The following CAPN10 variants were observed in gnomAD, a reference collection of about 807,000 sequenced individuals.
The protein encoded by CAPN10 is calpain 10.
In CAPN10, 71 loss-of-function variants were observed where a neutral mutation model predicts 78.4. That is an observed-to-expected ratio of 0.91 (90% CI 0.75 to 1.10). The LOEUF is 1.10. Ranked by LOEUF, CAPN10 falls within the 50% of genes least tolerant of loss-of-function variation. The pLI, the probability that CAPN10 is intolerant of heterozygous loss-of-function variation, is 0.00. For missense variants in CAPN10, 849 were observed against 924.6 expected (o/e 0.92, Z 1.06); for synonymous variants, 437 against 407.2 (o/e 1.07, Z -0.88).
At chr2:240,590,739 C>T (rs1173784731) in intron 2 of CAPN10, 76 bp from the exon 3 acceptor site, 10 of 1,400,990 alleles carry the variant, frequency 7.1e-6, no homozygotes, top group African/African-American at 1.4e-5. Flanking sequence ...GTGGCCACAC[C>T]GCGGCCGGGA....
chr2:240,596,664 G>A lies in CAPN10; in HGVS notation c.1482-17G>A. 6.5e-7 allele frequency: 1 copy of A among 1,534,088 alleles called. No individual in the cohort carries two copies. Among genetic ancestry groups the A allele is most frequent in the Non-Finnish European group, 8.8e-7 (1 of 1,140,498 alleles). On this transcript the variant is annotated splice_polypyrimidine_tract_variant and intron_variant, in intron 8 of 11. Coordinates refer to ENST00000391984, the MANE Select transcript of CAPN10 (RefSeq NM_023083.4). ...GAACCTGCTGCCAGCGCCCTCCCAT[G>A]TTTGTCTTCTTGGCAGCGCCATCAG...
At chr2:240,590,771 T>C in intron 2 of CAPN10, 44 bp from the exon 3 acceptor site, 1 of 1,585,724 alleles carries the variant, frequency 6.3e-7, no homozygotes, top group East Asian at 2.2e-5. Context: ...CGCCGGGTGG[T>C]GCTTATATCA....
At position 240,591,991 on chromosome 2, in the gene CAPN10, C is replaced by T; in HGVS notation, c.529C>T (p.Leu177=). The T allele has an allele frequency of 2.5e-6, 4 of 1,613,482 alleles. No homozygotes were observed. Among genetic ancestry groups the T allele is most frequent in the Non-Finnish European group, 3.4e-6 (4 of 1,180,002 alleles). Reference sequence around the variant, plus strand: ...GCAGGTGGCGGATGCCCTGGTGGACCTGACCGGCGGCCTGGCAGAAAGATG... The same window carrying T: ...GCAGGTGGCGGATGCCCTGGTGGACTTGACCGGCGGCCTGGCAGAAAGATG... ...AGQVADALVD[L]TGGLAERWNL... The change falls in exon 4 of 12, where the codon CTG becomes TTG. Residue 177 remains leucine (L), a synonymous_variant. Coordinates refer to ENST00000391984, the MANE Select transcript of CAPN10 (RefSeq NM_023083.4).
chr2:240,586,758 C>A lies in CAPN10; in HGVS notation c.-154C>A. The A allele has an allele frequency of 1.5e-6, 1 of 651,010 alleles. No homozygotes were observed. The highest frequency in any genetic ancestry group is 2.2e-6 in the Non-Finnish European group (1 of 451,922). The allele number at this position is 651,010 out of a possible 1,614,324, so 40.3% of individuals were successfully genotyped here. ...GAGACTAGCGGGCCGGCGTACTGGC[C>A]TGGTCCAGCACCTGCGGGGCCCTCG... On this transcript the variant is annotated 5_prime_UTR_variant, in exon 1 of 12. It adds an upstream start codon to the 5' untranslated region. Transcript: ENST00000391984.
chr2:240,595,415 C>T, intron 7 of CAPN10, 111 bp downstream of exon 7: 1 of 1,161,408 alleles, frequency 8.6e-7, no homozygotes, highest in South Asian at 1.5e-5. Flanking sequence ...CTGCCACGGG[C>T]CCCACCAGTC....
At chr2:240,598,493 G>A in intron 11 of CAPN10, 96 bp downstream of exon 11, 5 of 1,495,992 alleles carry the variant, frequency 3.3e-6, no homozygotes, top group Non-Finnish European at 4.6e-6. Context: ...TTCTGCCTGG[G>A]ACGTGAGGTG....
chr2:240,596,215 A>G, intron 7 of CAPN10, 104 bp from the exon 8 acceptor site: 1 of 1,479,168 alleles, frequency 6.8e-7, no homozygotes, highest in Non-Finnish European at 9.0e-7. Flanking sequence ...TGGCGCTTTC[A>G]TCTGTCAACT....
At position 240,586,963 on chromosome 2, in the gene CAPN10, G is replaced by A. The variant is rs2125455152; in HGVS notation, c.52G>A (p.Ala18Thr). The A allele has an allele frequency of 6.8e-7, 1 of 1,480,162 alleles. No homozygotes were observed. The highest frequency in any genetic ancestry group is 9.0e-7 in the Non-Finnish European group (1 of 1,115,544). 91.7% of individuals were successfully genotyped at this position (1,480,162 alleles called of 1,614,324 possible). A position where few individuals can be genotyped will look rare whatever the true frequency, so the allele number is the denominator to read the frequency against. The stretch of plus-strand genomic sequence containing the variant: ...GGCGAGGGAGCTGTTCCGGGACGCC[G>A]CCTTCCCCGCCGCGGACTCCTCGCT... Reference protein sequence around the residue: ...TPARELFRDAAFPAADSSLFC... With the variant: ...TPARELFRDATFPAADSSLFC... The change falls in exon 1 of 12, where the codon GCC becomes ACC. Residue 18 changes from alanine (A) to threonine (T), a missense_variant. Ala to Thr is a moderately conservative substitution (Grantham distance 58, BLOSUM62 0). Transcript: ENST00000391984.
chr2:240,592,434 C>T (rs758929621), intron 4 of CAPN10: 1 of 683,084 alleles, frequency 1.5e-6, no homozygotes, highest in South Asian at 1.5e-5. Context: ...CCATCCCTGG[C>T]CCAGCTGGCA....
At position 240,590,934 on chromosome 2, in the gene CAPN10, T is replaced by C. The variant is rs2093097942; in HGVS notation, c.393T>C (p.Leu131=). The C allele has an allele frequency of 2.5e-6, 4 of 1,614,134 alleles. No homozygotes were observed. The highest frequency in any genetic ancestry group is 1.3e-5 in the African/African-American group (1 of 74,946). The change falls in exon 3 of 12, where the codon CTT becomes CTC. Residue 131 remains leucine (L), a synonymous_variant. Transcript: ENST00000391984. ...EVTTDDRLPC[L]AGRLCFSRCQ... ...CCACAGATGACCGCCTGCCGTGCCTTGCAGGGAGACTCTGTTTCTCCCGCT... is the reference window on the plus strand; with the variant it reads ...CCACAGATGACCGCCTGCCGTGCCTCGCAGGGAGACTCTGTTTCTCCCGCT...
In CAPN10 at chr2:240,596,699, C is replaced by T. The variant is rs1366544806; in HGVS notation, c.1500C>T (p.Ala500=). 1 of 1,558,588 alleles carries T rather than the reference C, an allele frequency of 6.4e-7. No homozygotes were observed. The highest frequency in any genetic ancestry group is 2.2e-5 in the East Asian group (1 of 44,450). The change falls in exon 9 of 12, where the codon GCC becomes GCT. Residue 500 remains alanine, a synonymous_variant. Coordinates refer to ENST00000391984, the MANE Select transcript of CAPN10 (RefSeq NM_023083.4). ...TTGGCAGCGCCATCAGGGCAGTGGCCAAGAACACCACCCCCGGGGCAGCCC... is the reference window on the plus strand; with the variant it reads ...TTGGCAGCGCCATCAGGGCAGTGGCTAAGAACACCACCCCCGGGGCAGCCC... The part of the protein sequence containing the change: ...RVSLSAIRAV[A]KNTTPGAALP...
Position 240,598,745 on chromosome 2 carries a change from T to A in CAPN10, c.*65T>A. On this transcript the variant is annotated 3_prime_UTR_variant, in exon 12 of 12. Coordinates refer to ENST00000391984, the MANE Select transcript of CAPN10 (RefSeq NM_023083.4). ...GAGGGCCTGACAGGTTCCCAGCAGC[T>A]GGGCCGGCCAGCCTTGCACTGTGGG... The A allele has an allele frequency of 6.8e-7, 1 of 1,469,234 alleles. No homozygotes were observed. Among genetic ancestry groups the A allele is most frequent in the Admixed American group, 2.0e-5 (1 of 50,932 alleles). 91.0% of individuals were successfully genotyped at this position (1,469,234 alleles called of 1,614,324 possible).
intron 1 of CAPN10, among the ~76,000 whole-genome samples, chr2:240,588,891 G>A (rs1413144705): frequency 2.0e-5 from 3 of 152,086 alleles, no homozygotes; most frequent in Non-Finnish European, 4.4e-5. Flanking sequence ...AGGCAAGGTC[G>A]AAGCTCAGAG....
chr2:240,590,833 C>G lies in CAPN10; in HGVS notation c.292C>G (p.Pro98Ala). 3 of 1,614,142 alleles carry G rather than the reference C, an allele frequency of 1.9e-6. No homozygotes were observed. The highest frequency in any genetic ancestry group is 2.5e-6 in the Non-Finnish European group (3 of 1,179,996). Residue 98 changes from proline (P) to alanine (A), a missense_variant, in exon 3 of 12, where the codon CCG becomes GCG. By Grantham distance (27) the Pro-to-Ala change is conservative (BLOSUM62 -1). Coordinates refer to ENST00000391984, the MANE Select transcript of CAPN10 (RefSeq NM_023083.4). ...ATGGCAGGTCATTCCTCCGGGACAG[C>G]CGAGCTGGGCCGACCAGGAGTACCG... is the stretch of plus-strand genomic sequence containing the variant. ...LLDQVIPPGQPSWADQEYRGS... is the reference protein window; with the variant it reads ...LLDQVIPPGQASWADQEYRGS...
chr2:240,587,537 G>T (rs112052223), intron 1 of CAPN10, among the ~76,000 whole-genome samples: 8,035 of 152,352 alleles, frequency 0.053, 298 homozygotes, highest in Non-Finnish European at 0.073. Context: ...TCCAAGGGAT[G>T]CCCTGGCCGA....
rs2093139102 is a variant in CAPN10, at chr2:240,596,710, C to T, written c.1511C>T (p.Thr504Ile). 1.3e-6 allele frequency: 2 copies of T among 1,568,752 alleles called. No individual in the cohort carries two copies. The highest frequency in any genetic ancestry group is 1.4e-5 in the African/African-American group (1 of 73,992). The change falls in exon 9 of 12, where the codon ACC (threonine) becomes ATC (isoleucine). Residue 504 changes from threonine to isoleucine, a missense_variant. By Grantham distance (89) the Thr-to-Ile change is moderately conservative (BLOSUM62 -1). Transcript: ENST00000391984. ...ATCAGGGCAGTGGCCAAGAACACCA[C>T]CCCCGGGGCAGCCCTGCCTGCGGGG... ...SAIRAVAKNTTPGAALPAGEW... is the reference protein window; with the variant it reads ...SAIRAVAKNTIPGAALPAGEW...
At chr2:240,596,219 G>A (rs918664048) in intron 7 of CAPN10, 100 bp from the exon 8 acceptor site, 2 of 1,481,634 alleles carry the variant, frequency 1.3e-6, no homozygotes, top group Non-Finnish European at 1.8e-6. Context: ...GCTTTCATCT[G>A]TCAACTCCAG....
chr2:240,588,724 G>T (rs1214464727), intron 1 of CAPN10, among the ~76,000 whole-genome samples: 1 of 152,176 alleles, frequency 6.6e-6, no homozygotes, highest in African/African-American at 2.4e-5. Flanking sequence ...TCTTTCAAGA[G>T]CTGTAATGAA....
At position 240,596,708 on chromosome 2, in the gene CAPN10, C is replaced by T. The variant is rs768321905; in HGVS notation, c.1509C>T (p.Thr503=). Residue 503 remains threonine (T), a synonymous_variant, in exon 9 of 12, where the codon ACC becomes ACT. Coordinates refer to ENST00000391984, the MANE Select transcript of CAPN10 (RefSeq NM_023083.4). Reference sequence around the variant, plus strand: ...CCATCAGGGCAGTGGCCAAGAACACCACCCCCGGGGCAGCCCTGCCTGCGG... The same window carrying T: ...CCATCAGGGCAGTGGCCAAGAACACTACCCCCGGGGCAGCCCTGCCTGCGG... The part of the protein sequence containing the change: ...LSAIRAVAKN[T]TPGAALPAGE... 2.6e-6 allele frequency: 4 copies of T among 1,563,508 alleles called. No individual in the cohort carries two copies. Among genetic ancestry groups the T allele is most frequent in the Admixed American group, 3.6e-5 (2 of 54,946 alleles).
Sources: gnomAD v4.1 joint callset for allele counts (sites outside exome capture counted in the v4.1 genomes callset) on GRCh38, gnomAD v4.1.1 for gene constraint, MANE v1.5 for transcripts, NCBI Gene and HGNC (gene_info 2026-07-23, HGNC 2026-07-21) for gene names.